The following PDXDC1 variants were observed in gnomAD, a reference collection of about 807,000 sequenced individuals.
The protein encoded by PDXDC1 is pyridoxal-dependent decarboxylase domain-containing protein 1.
In PDXDC1, 42 loss-of-function variants were observed where a neutral mutation model predicts 100.1. The observed-to-expected ratio is 0.42, with a 90% CI of 0.33 to 0.54. The LOEUF is 0.54. Ranked by LOEUF, PDXDC1 falls within the 20% of genes least tolerant of loss-of-function variation. The probability of loss-of-function intolerance (pLI) is 0.10; values close to 1 mark genes in which losing one functional copy is unlikely to be tolerated. For synonymous variants in PDXDC1, 260 were observed against 371.7 expected (o/e 0.70, Z 3.46); for missense variants, 636 against 979.2 (o/e 0.65, Z 4.68).
At chr16:15,111,473 A>AC (rs1186357428) in intron 16 of PDXDC1, among the ~76,000 whole-genome samples, 1,907 of 146,416 alleles carry the variant, frequency 0.013, 108 homozygotes, top group Non-Finnish European at 0.02. Context: ...AAAAAAAAAA[A>AC]AATAGGCCAG....
chr16:15,128,062 C>G, intron 16 of PDXDC1: 2 of 1,608,196 alleles, frequency 1.2e-6, no homozygotes, highest in Non-Finnish European at 1.7e-6. Flanking sequence ...AGTCATTGAC[C>G]AGGAAGAAGG....
At chr16:15,087,295 T>C (rs1201186536) in intron 16 of PDXDC1, among the ~76,000 whole-genome samples, 1 of 152,192 alleles carries the variant, frequency 6.6e-6, no homozygotes, top group African/African-American at 2.4e-5. Context: ...ACTCCACATA[T>C]ATATCTTCTT....
At chr16:15,099,095 T>A (rs1198279063) in intron 16 of PDXDC1, among the ~76,000 whole-genome samples, 1 of 152,022 alleles carries the variant, frequency 6.6e-6, no homozygotes, top group African/African-American at 2.4e-5. Context: ...GCCAAGTTTT[T>A]AAAAAGATTT....
intron 16 of PDXDC1, among the ~76,000 whole-genome samples, chr16:15,132,370 G>A (rs1199231614): frequency 7.0e-4 from 13 of 18,468 alleles, no homozygotes; most frequent in African/African-American, 1.7e-3. Context: ...GGGGCAAGGG[G>A]AGGGAGGGGG....
intron 16 of PDXDC1, chr16:15,094,009 G>C (rs563028089): frequency 2.7e-6 from 2 of 753,512 alleles, no homozygotes; most frequent in Non-Finnish European, 4.6e-6. Context: ...TCATTTCTGT[G>C]AACGTGAGAT....
At chr16:15,117,526 C>G (rs544766877) in intron 16 of PDXDC1, among the ~76,000 whole-genome samples, 2 of 151,412 alleles carry the variant, frequency 1.3e-5, no homozygotes, top group Non-Finnish European at 2.9e-5. Context: ...GCGTGGTGGT[C>G]TACTAAAAAT....
chr16:15,136,604 G>C (rs1329326784), intron 16 of PDXDC1: 3 of 1,221,970 alleles, frequency 2.5e-6, no homozygotes, highest in Admixed American at 4.0e-5. Context: ...TGCACGGCGG[G>C]ACTGTCCACC....
chr16:15,062,122 C>A (rs2044739290), intron 16 of PDXDC1, among the ~76,000 whole-genome samples: 1 of 152,186 alleles, frequency 6.6e-6, no homozygotes, highest in African/African-American at 2.4e-5. Flanking sequence ...CGAATCCAGC[C>A]TGGGCAACAT....
At chr16:14,992,312 T>C (rs1166286118) in intron 1 of PDXDC1, among the ~76,000 whole-genome samples, 48 of 152,298 alleles carry the variant, frequency 3.2e-4, no homozygotes, top group Non-Finnish European at 1.5e-5. Flanking sequence ...TGTAATTGAA[T>C]AGGTGCTAGG....
At chr16:15,131,497 C>G in intron 16 of PDXDC1, 1 of 1,607,468 alleles carries the variant, frequency 6.2e-7, no homozygotes, top group Non-Finnish European at 8.5e-7. Flanking sequence ...CAGCAGGCTC[C>G]GCGGGTCCGA....
At chr16:15,013,874 CA>C (rs58185654) in intron 8 of PDXDC1, among the ~76,000 whole-genome samples, 247 of 135,740 alleles carry the variant, frequency 1.8e-3, no homozygotes, top group East Asian at 6.8e-3. Flanking sequence ...GTCTCTGTCT[CA>C]AAAAAAAAAA....
At chr16:15,135,718 G>C in intron 16 of PDXDC1, 3 of 1,594,966 alleles carry the variant, frequency 1.9e-6, no homozygotes, top group Non-Finnish European at 1.7e-6. Context: ...GGTTGGGGTC[G>C]TAGGACTCGC....
chr16:15,092,962 T>C (rs935840982), intron 16 of PDXDC1, among the ~76,000 whole-genome samples: 2 of 152,170 alleles, frequency 1.3e-5, no homozygotes, highest in Non-Finnish European at 2.9e-5. Context: ...TTTCACTTAC[T>C]GTTCACTCTA....
Position 15,133,649 on chromosome 16 carries a change from T to C in PDXDC1, c.1400-5230T>C, listed in dbSNP as rs947343381. 1.9e-5 allele frequency: 27 copies of C among 1,418,560 alleles called. 1 individual carries two copies. The African/African-American group carries it at 3.2e-4, about 17-fold the overall frequency. The allele number at this position is 1,418,560 out of a possible 1,614,324, so 87.9% of individuals were successfully genotyped here. Reference sequence around the variant, plus strand: ...CTCGCAGTGGCCCTGGCGACAGCGCTGCAGCAGCAGGGCGTACACCAGCGG... The same window carrying C: ...CTCGCAGTGGCCCTGGCGACAGCGCCGCAGCAGCAGGGCGTACACCAGCGG... On this transcript the variant is annotated intron_variant, in intron 16 of 16. Transcript: ENST00000535621.
At position 15,131,070 on chromosome 16, in the gene PDXDC1, T is replaced by C. The variant is rs939664752; in HGVS notation, c.1400-7809T>C. ...ACAAGGCCAGGGGGCCGCGTGTGCC[T>C]CACCCGCTGCACGCACCGTCCAGCA... On this transcript the variant is annotated intron_variant, in intron 16 of 16. Coordinates refer to the PDXDC1 transcript ENST00000535621. The C allele has an allele frequency of 7.9e-5, 126 of 1,600,384 alleles. No homozygotes were observed. The African/African-American group carries it at 9.3e-4, about 12-fold the overall frequency.
chr16:15,097,545 G>C (rs1358292045), intron 16 of PDXDC1, among the ~76,000 whole-genome samples: 6 of 150,764 alleles, frequency 4.0e-5, no homozygotes, highest in Admixed American at 1.3e-4. Context: ...GGGAAGCTGA[G>C]GCAGGAGAAT....
chr16:15,066,448 C>T (rs1393042407), intron 16 of PDXDC1, among the ~76,000 whole-genome samples: 1 of 152,008 alleles, frequency 6.6e-6, no homozygotes, highest in Non-Finnish European at 1.5e-5. Context: ...GCCTGGTCAA[C>T]ATGATGAAAC....
the PDXDC1 span, among the ~76,000 whole-genome samples, chr16:15,147,993 T>C: frequency 4.0e-5 from 6 of 150,738 alleles, no homozygotes; most frequent in East Asian, 2.0e-4. Flanking sequence ...CCTGTTTTTT[T>C]GTTTTGTTTT....
At chr16:15,014,155 C>T (rs62039463) in intron 8 of PDXDC1, among the ~76,000 whole-genome samples, 10,775 of 148,880 alleles carry the variant, frequency 0.072, 64 homozygotes, top group South Asian at 0.13. Context: ...TGCAGTGAGC[C>T]GAGATTGCGC....
Sources: allele counts gnomAD v4.1 joint callset (sites outside exome capture counted in the v4.1 genomes callset), GRCh38; gene constraint gnomAD v4.1.1; transcripts MANE v1.5; gene names NCBI Gene and HGNC (gene_info 2026-07-23, HGNC 2026-07-21).